PPP2R3B: variants seen among roughly 807,000 people sequenced by gnomAD.
PPP2R3B encodes protein phosphatase 2 regulatory subunit B''beta.
In PPP2R3B, 68 loss-of-function variants were observed where a neutral mutation model predicts 72.9. The observed-to-expected ratio is 0.93, with a 90% CI of 0.77 to 1.14. The LOEUF (loss-of-function observed/expected upper bound fraction) is 1.14. PPP2R3B is among the 50% of genes most tolerant of loss of function. The pLI, the probability that PPP2R3B is intolerant of heterozygous loss-of-function variation, is 0.00. For missense variants in PPP2R3B, 1,018 were observed against 842.0 expected, an observed-to-expected ratio of 1.21 and a Z score of -2.59; for synonymous variants, 466 against 375.8, an observed-to-expected ratio of 1.24 and a Z score of -2.78.
At chrX:335,844 G>C (rs1399625327) in intron 12 of PPP2R3B, 3 of 152,172 alleles carry the variant, frequency 2.0e-5, no homozygotes, top group African/African-American at 4.8e-5. Context: ...TGATGGGAAC[G>C]GGCAAGTTTC....
rs185861978 is a variant in PPP2R3B at position 346,814 on chromosome X, C to T, written c.718-39G>A. The T allele has an allele frequency of 1.3e-3, 2,037 of 1,569,884 alleles. 22 individuals are homozygous for T. The African/African-American group carries it at 0.025, about 20-fold the overall frequency. On this transcript the variant is annotated intron_variant, in intron 4 of 12. Coordinates refer to ENST00000390665, the MANE Select transcript of PPP2R3B (RefSeq NM_013239.5). ...GACACGAGGCGCGTGGTGTAGACGC[C>T]GGCCCTCCCGTGAGGTGTGCGGTGT...
chrX:380,786 CAAAAA>C (rs1054118917), intron 1 of PPP2R3B, among the ~76,000 whole-genome samples: 3 of 53,124 alleles, frequency 5.6e-5, no homozygotes, highest in Non-Finnish European at 6.7e-5. Context: ...AACTCCATCT[CAAAAA>C]AAAAAAAAAA....
rs749070642 is a variant in PPP2R3B at position 345,741 on chromosome X, G to T, written c.880-69C>A. The T allele has an allele frequency of 5.7e-5, 89 of 1,574,626 alleles. 2 individuals carry two copies. The South Asian group carries it at 9.4e-4, about 17-fold the overall frequency. ...GATGCCCCAAGTCCGCCTGGCTGCGGGCGGGGCAGGGAAGGCTGGGAGGGT... is the reference window on the plus strand; with the variant it reads ...GATGCCCCAAGTCCGCCTGGCTGCGTGCGGGGCAGGGAAGGCTGGGAGGGT... On this transcript the variant is annotated intron_variant, in intron 6 of 12. Coordinates refer to ENST00000390665, the MANE Select transcript of PPP2R3B (RefSeq NM_013239.5).
intron 2 of PPP2R3B, among the ~76,000 whole-genome samples, chrX:357,892 A>C (rs1242460860): frequency 6.6e-6 from 1 of 152,040 alleles, no homozygotes; most frequent in African/African-American, 2.4e-5. Context: ...ATCAGCCCTG[A>C]CTCACACAGA....
intron 2 of PPP2R3B, among the ~76,000 whole-genome samples, chrX:360,018 T>C (rs1471136432): frequency 1.3e-5 from 2 of 152,190 alleles, no homozygotes; most frequent in African/African-American, 4.8e-5. Context: ...CTTAATGTGT[T>C]CTTTCAGACC....
intron 2 of PPP2R3B, among the ~76,000 whole-genome samples, chrX:354,760 G>A (rs1434789758): frequency 6.6e-6 from 1 of 152,184 alleles, no homozygotes; most frequent in Non-Finnish European, 1.5e-5. Flanking sequence ...GCTGAGGTGG[G>A]TGGATCACTG....
rs2738376 is a variant in PPP2R3B at position 338,627 on chromosome X, A to G, written c.1554T>C (p.Thr518=). ...EEYDILVAEE[T]AGEPWEDGFE... is the part of the protein sequence containing the mutation. The stretch of plus-strand genomic sequence containing the variant: ...ACCCGTCCTCCCAGGGCTCTCCCGC[A>G]GTCTCCTCGGCCACCAGGATGTCGT... Residue 518 remains threonine (T), a synonymous_variant, in exon 12 of 13, where the codon ACT becomes ACC. Transcript: ENST00000390665. 0.84 allele frequency: 1,353,019 copies of G among 1,607,746 alleles called. 570,887 individuals carry two copies. The highest frequency in any genetic ancestry group is 0.96 in the African/African-American group (71,867 of 74,684).
intron 1 of PPP2R3B, among the ~76,000 whole-genome samples, chrX:372,386 G>C (rs1267780339): frequency 6.6e-6 from 1 of 152,204 alleles, no homozygotes; most frequent in Non-Finnish European, 1.5e-5. Context: ...GGTTCACCTT[G>C]ATGTTAGGCC....
At chrX:361,682 C>T in intron 1 of PPP2R3B, 92 bp from the exon 2 acceptor site, 6 of 1,475,702 alleles carry the variant, frequency 4.1e-6, no homozygotes, top group Non-Finnish European at 5.6e-6. Flanking sequence ...CTAGGGCCGA[C>T]AGTGCTGAGG....
intron 1 of PPP2R3B, among the ~76,000 whole-genome samples, chrX:374,492 G>T (rs1431107462): frequency 6.6e-6 from 1 of 152,240 alleles, no homozygotes; most frequent in Non-Finnish European, 1.5e-5. Context: ...GCGCTTGTTT[G>T]CAATCGTATT....
intron 2 of PPP2R3B, chrX:359,745 T>A (rs1228318431): frequency 4.5e-6 from 2 of 441,356 alleles, no homozygotes; most frequent in African/African-American, 2.1e-5. Flanking sequence ...GCAAGAAGTA[T>A]GTATGTTCAT....
chrX:371,156 G>A (rs1262316631), intron 1 of PPP2R3B, among the ~76,000 whole-genome samples: 3 of 152,208 alleles, frequency 2.0e-5, no homozygotes, highest in Non-Finnish European at 2.9e-5. Context: ...GCAGGCAGTG[G>A]CTCCGGCAAG....
chrX:386,572 C>T lies in PPP2R3B; in HGVS notation c.120G>A (p.Lys40=). ...GGGTCGGCTGGTCCCGCCCGGGCGC[C>T]TTGATCCGGCGCAGGCAGTCCTGCA... ...RMLQDCLRRI[K]APGRDQPTPG... is the part of the protein sequence containing the mutation. The change falls in exon 1 of 13, where the codon AAG becomes AAA. Residue 40 remains lysine, a synonymous_variant. Coordinates refer to ENST00000390665, the MANE Select transcript of PPP2R3B (RefSeq NM_013239.5). 6.9e-7 allele frequency: 1 copy of T among 1,445,754 alleles called. No individual in the cohort carries two copies. The highest frequency in any genetic ancestry group is 9.1e-7 in the Non-Finnish European group (1 of 1,098,940). 89.6% of individuals were successfully genotyped at this position (1,445,754 alleles called of 1,614,324 possible).
At chrX:353,936 T>A (rs1223277188) in intron 2 of PPP2R3B, among the ~76,000 whole-genome samples, 1 of 136,320 alleles carries the variant, frequency 7.3e-6, no homozygotes, top group African/African-American at 2.9e-5. Context: ...GACCGGGGGC[T>A]CACCCAGGGA....
intron 1 of PPP2R3B, chrX:362,233 C>G (rs1302095517): frequency 6.4e-6 from 1 of 156,354 alleles, no homozygotes; most frequent in Non-Finnish European, 1.4e-5. Context: ...CCCAGTATAT[C>G]TGCAGGCCCC....
intron 1 of PPP2R3B, among the ~76,000 whole-genome samples, chrX:371,007 T>C (rs1343345019): frequency 1.3e-5 from 2 of 151,850 alleles, no homozygotes; most frequent in Admixed American, 6.6e-5. Context: ...GCTGAGTCAG[T>C]GTGTGGGGAG....
intron 2 of PPP2R3B, among the ~76,000 whole-genome samples, chrX:357,519 G>A (rs773486995): frequency 1.3e-4 from 20 of 152,272 alleles, no homozygotes; most frequent in African/African-American, 4.3e-4. Context: ...GTAGCATGAC[G>A]GATCAAGAAA....
chrX:345,481 C>T, intron 7 of PPP2R3B, 35 bp downstream of exon 7: 1 of 1,610,534 alleles, frequency 6.2e-7, no homozygotes, highest in South Asian at 1.1e-5. Context: ...TGCTCGGTGT[C>T]CGCGCGGCCC....
At position 371,149 on chromosome X, in the gene PPP2R3B, G is replaced by A. The variant is rs765731589; in HGVS notation, c.325-9559C>T. 1.4e-3 allele frequency among the ~76,000 whole-genome samples: 219 copies of A among 152,200 alleles called. 2 individuals carry two copies. Among genetic ancestry groups the A allele is most frequent in the African/African-American group, 3.6e-3 (149 of 41,552 alleles). ...CGAGAATCCCTGGGCAGGAGGCGCA[G>A]GCAGTGGCTCCGGCAAGAAGAGCTC... On this transcript the variant is annotated intron_variant, in intron 1 of 12. Transcript: ENST00000390665.
Sources: allele counts gnomAD v4.1 joint callset (sites outside exome capture counted in the v4.1 genomes callset), GRCh38; gene constraint gnomAD v4.1.1; transcripts MANE v1.5; gene names NCBI Gene and HGNC (gene_info 2026-07-23, HGNC 2026-07-21).